Variants in OPCML observed in about 807,000 individuals in gnomAD.
OPCML encodes the protein opioid binding protein/cell adhesion molecule like, also known as opioid-binding protein/cell adhesion molecule.
A neutral mutation model predicts 37.8 loss-of-function variants in OPCML; 13 were observed. The observed-to-expected ratio is 0.34, with a 90% CI of 0.22 to 0.55. The LOEUF (loss-of-function observed/expected upper bound fraction) is 0.55. OPCML is among the 20% of genes least tolerant of loss of function. OPCML has a pLI of 0.91. For synonymous variants in OPCML, 176 were observed against 168.8 expected (o/e 1.04, Z -0.33); for missense variants, 341 against 435.6 (o/e 0.78, Z 1.93).
chr11:133,005,067 C>T, intron 1 of OPCML: 1 of 985,384 alleles, frequency 1.0e-6, no homozygotes, highest in Middle Eastern at 5.2e-4. Context: ...ATGAATGCCA[C>T]ACCCTTGCTT....
At chr11:132,639,317 T>C (rs1341218266) in intron 3 of OPCML, among the ~76,000 whole-genome samples, 1 of 152,210 alleles carries the variant, frequency 6.6e-6, no homozygotes, top group African/African-American at 2.4e-5. Context: ...GCCAGAGGCA[T>C]GCTCTCAAAA....
At chr11:132,610,653 C>A (rs1313757473) in intron 3 of OPCML, among the ~76,000 whole-genome samples, 1 of 152,028 alleles carries the variant, frequency 6.6e-6, no homozygotes, top group Non-Finnish European at 1.5e-5. Flanking sequence ...TTACTTGCAG[C>A]CAAAGAAACC....
intron 3 of OPCML, among the ~76,000 whole-genome samples, chr11:132,558,080 C>T (rs1402862888): frequency 6.6e-6 from 1 of 151,970 alleles, no homozygotes; most frequent in Non-Finnish European, 1.5e-5. Flanking sequence ...AGAGTGGGTA[C>T]CAGCCTCTTT....
intron 2 of OPCML, among the ~76,000 whole-genome samples, chr11:132,845,757 C>T (rs139374808): frequency 6.6e-6 from 1 of 152,298 alleles, no homozygotes; most frequent in East Asian, 1.9e-4. Context: ...TGAAAGCTTA[C>T]TCTCTCTGTC....
intron 4 of OPCML, among the ~76,000 whole-genome samples, chr11:132,474,041 A>G (rs972145616): frequency 1.3e-5 from 2 of 152,086 alleles, no homozygotes; most frequent in Non-Finnish European, 2.9e-5. Context: ...AGCAGGAAGG[A>G]TGGGAGAGAT....
At chr11:133,333,102 G>A (rs543215698) in intron 1 of OPCML, among the ~76,000 whole-genome samples, 4 of 152,138 alleles carry the variant, frequency 2.6e-5, no homozygotes, top group Admixed American at 6.6e-5. Flanking sequence ...TTTGTTACCC[G>A]GGTTGGAGTG....
chr11:132,757,896 G>A (rs1489554532), intron 2 of OPCML, among the ~76,000 whole-genome samples: 1 of 152,128 alleles, frequency 6.6e-6, no homozygotes, highest in African/African-American at 2.4e-5. Flanking sequence ...GAATGGTATT[G>A]CCTAGTTTTT....
At chr11:133,518,895 G>A (rs1011688231) in intron 1 of OPCML, among the ~76,000 whole-genome samples, 1 of 152,088 alleles carries the variant, frequency 6.6e-6, no homozygotes, top group Non-Finnish European at 1.5e-5. Context: ...GTTCTGCCAT[G>A]TCTGATTGCT....
chr11:132,796,596 C>T (rs1157371488), intron 2 of OPCML, among the ~76,000 whole-genome samples: 7 of 101,936 alleles, frequency 6.9e-5, no homozygotes, highest in East Asian at 3.1e-4. Context: ...TTTTTTGATA[C>T]GGAGCCTCGC....
At chr11:132,690,199 C>A (rs1342762218) in intron 2 of OPCML, among the ~76,000 whole-genome samples, 1 of 152,154 alleles carries the variant, frequency 6.6e-6, no homozygotes, top group African/African-American at 2.4e-5. Flanking sequence ...CTCAGTCTCA[C>A]AAAGAGCTGG....
intron 1 of OPCML, among the ~76,000 whole-genome samples, chr11:133,204,874 A>ATATATATATATATATATATATATGTGTG (rs1938972890): frequency 1.1e-4 from 2 of 18,962 alleles, no homozygotes; most frequent in African/African-American, 1.9e-4. Context: ...ATGTGTATAT[A>ATATATATATATATATATATATATGTGTG]TATATATATA....
chr11:132,787,710 C>A (rs549886046), intron 2 of OPCML, among the ~76,000 whole-genome samples: 4 of 152,202 alleles, frequency 2.6e-5, no homozygotes, highest in South Asian at 2.1e-4. Flanking sequence ...TGTTAAAGTT[C>A]TTTAGAACCT....
intron 3 of OPCML, among the ~76,000 whole-genome samples, chr11:132,570,874 A>G (rs1176291768): frequency 6.8e-6 from 1 of 147,026 alleles, no homozygotes; most frequent in Non-Finnish European, 1.5e-5. Context: ...CTTCTCTTAC[A>G]TGATGGTTAA....
intron 2 of OPCML, among the ~76,000 whole-genome samples, chr11:132,893,343 G>A (rs1020840358): frequency 6.6e-6 from 1 of 152,210 alleles, no homozygotes; most frequent in Non-Finnish European, 1.5e-5. Flanking sequence ...ACAGACGCTT[G>A]ACCATGGCTG....
chr11:133,014,766 A>G (rs1241541140), intron 1 of OPCML, among the ~76,000 whole-genome samples: 1 of 152,198 alleles, frequency 6.6e-6, no homozygotes, highest in Non-Finnish European at 1.5e-5. Flanking sequence ...ACTGAACACA[A>G]ATATTTCTCA....
intron 7 of OPCML, among the ~76,000 whole-genome samples, chr11:132,431,304 G>A (rs2095996071): frequency 6.6e-6 from 1 of 152,230 alleles, no homozygotes; most frequent in Admixed American, 6.5e-5. Context: ...CTGCTTTTCT[G>A]TTTTACGCAT....
intron 2 of OPCML, among the ~76,000 whole-genome samples, chr11:132,693,580 C>A (rs534161503): frequency 1.3e-5 from 2 of 152,302 alleles, no homozygotes; most frequent in Non-Finnish European, 2.9e-5. Flanking sequence ...TGAAGCCATA[C>A]TTCATGGTAA....
At chr11:132,775,827 TG>T (rs1307100615) in intron 2 of OPCML, among the ~76,000 whole-genome samples, 1 of 152,224 alleles carries the variant, frequency 6.6e-6, no homozygotes, top group African/African-American at 2.4e-5. Flanking sequence ...ATGGCAGAAA[TG>T]CTACCTGCCA....
At chr11:132,868,977 TG>T (rs1206638916) in intron 2 of OPCML, among the ~76,000 whole-genome samples, 1 of 152,108 alleles carries the variant, frequency 6.6e-6, no homozygotes, top group Non-Finnish European at 1.5e-5. Flanking sequence ...GGAGAAGCTG[TG>T]GGGAACGTGG....
Sources: gnomAD v4.1 joint callset for allele counts (sites outside exome capture counted in the v4.1 genomes callset) on GRCh38, gnomAD v4.1.1 for gene constraint, MANE v1.5 for transcripts, NCBI Gene and HGNC (gene_info 2026-07-23, HGNC 2026-07-21) for gene names.